TCERG1L: variants seen among roughly 807,000 people sequenced by gnomAD.
TCERG1L encodes the protein transcription elongation regulator 1 like, also known as transcription elongation regulator 1-like protein.
Under a neutral mutation model 56.3 loss-of-function variants are expected in TCERG1L, and 37 were observed. That is an observed-to-expected ratio of 0.66 (90% CI 0.51 to 0.87). TCERG1L has a LOEUF of 0.87. Ranked by LOEUF, TCERG1L falls within the 40% of genes least tolerant of loss-of-function variation. TCERG1L has a pLI of 0.00. For synonymous variants in TCERG1L, 324 were observed against 326.3 expected, an observed-to-expected ratio of 0.99 and a Z score of 0.08; for missense variants, 799 against 774.2, an observed-to-expected ratio of 1.03 and a Z score of -0.38.
chr10:131,209,948 G>A lies in TCERG1L; in HGVS notation c.857-43063C>T, dbSNP rs548569423. Among the ~76,000 whole-genome samples, 5 of 152,294 alleles carry A rather than the reference G, an allele frequency of 3.3e-5. No homozygotes were observed. In the South Asian group the frequency reaches 8.3e-4, roughly 25 times the overall value. ...CAAATATATTTTACACCTAGAAATA[G>A]AGGCTTCACTGATTAGGCTGCATTT... On this transcript the variant is annotated intron_variant, in intron 4 of 11. Coordinates refer to ENST00000368642, the MANE Select transcript of TCERG1L (RefSeq NM_174937.4).
chr10:131,101,171 C>T (rs993589522), intron 10 of TCERG1L, among the ~76,000 whole-genome samples: 1 of 152,240 alleles, frequency 6.6e-6, no homozygotes, highest in East Asian at 1.9e-4. Context: ...CTGTCTCTGA[C>T]GATGGCCTGA....
rs762661323 is a variant in TCERG1L, at chr10:131,093,166, C to T, written c.1757G>A (p.Arg586Lys). The T allele has an allele frequency of 6.2e-7, 1 of 1,612,456 alleles. No individual in the cohort carries two copies. The highest frequency in any genetic ancestry group is 2.2e-5 in the East Asian group (1 of 44,852). The change falls in exon 12 of 12, where the codon AGA (arginine) becomes AAA (lysine). Residue 586 changes from arginine to lysine, a missense_variant. Physicochemically the swap from Arg to Lys is conservative, Grantham distance 26 (BLOSUM62 2). Coordinates refer to ENST00000368642, the MANE Select transcript of TCERG1L (RefSeq NM_174937.4). ...TTATTGCATTTTTTCACAAACTCAT[C>T]TCATTTTCCGCAGCCTTAGTCTGTT... ...KENRLRLRKM[R>K]
rs1483231383 is a variant in TCERG1L, at chr10:131,236,226, A to G, written c.856+24033T>C. On this transcript the variant is annotated intron_variant, in intron 4 of 11. Transcript: ENST00000368642. Reference sequence around the variant, plus strand: ...CTCCAGTCCTATATAAAAGGGGATCATATGCTCCAACCTGTGATCTATGAT... The same window carrying G: ...CTCCAGTCCTATATAAAAGGGGATCGTATGCTCCAACCTGTGATCTATGAT... 2.0e-5 allele frequency among the ~76,000 whole-genome samples: 3 copies of G among 152,246 alleles called. No homozygotes were observed. The East Asian group carries it at 5.8e-4, about 29-fold the overall frequency.
intron 9 of TCERG1L, 72 bp downstream of exon 9, chr10:131,116,727 A>G: frequency 6.5e-7 from 1 of 1,533,388 alleles, no homozygotes; most frequent in Non-Finnish European, 8.7e-7. Context: ...ACCCTCAGGC[A>G]GGGACGGCCA....
chr10:131,234,532 T>G (rs1373243866), intron 4 of TCERG1L, among the ~76,000 whole-genome samples: 1 of 152,120 alleles, frequency 6.6e-6, no homozygotes, highest in Admixed American at 6.5e-5. Context: ...CAAGGGGTCA[T>G]GAGAGCTGAC....
chr10:131,142,357 G>A (rs1845748128), intron 7 of TCERG1L, among the ~76,000 whole-genome samples: 2 of 152,192 alleles, frequency 1.3e-5, no homozygotes, highest in African/African-American at 2.4e-5. Flanking sequence ...CTGGGCCCCT[G>A]GTGAGATAGA....
chr10:131,134,706 A>G (rs1467608598), intron 7 of TCERG1L, among the ~76,000 whole-genome samples: 1 of 152,170 alleles, frequency 6.6e-6, no homozygotes, highest in Non-Finnish European at 1.5e-5. Flanking sequence ...TGGGCCTTCC[A>G]GAGGGGCTGG....
chr10:131,280,055 T>C (rs112199896), intron 3 of TCERG1L, among the ~76,000 whole-genome samples: 5,852 of 152,294 alleles, frequency 0.038, 146 homozygotes, highest in African/African-American at 0.06. Flanking sequence ...TGAGGATGCA[T>C]GGCTGCGACA....
At chr10:131,284,382 A>T (rs1304457156) in intron 3 of TCERG1L, among the ~76,000 whole-genome samples, 2 of 152,134 alleles carry the variant, frequency 1.3e-5, no homozygotes, top group African/African-American at 4.8e-5. Flanking sequence ...ATAGTACATT[A>T]AAAAATTTAC....
At chr10:131,115,498 C>G (rs1406677128) in intron 9 of TCERG1L, among the ~76,000 whole-genome samples, 1 of 152,140 alleles carries the variant, frequency 6.6e-6, no homozygotes, top group Admixed American at 6.5e-5. Flanking sequence ...CACATCGCGC[C>G]AGGGCCGGAT....
intron 4 of TCERG1L, among the ~76,000 whole-genome samples, chr10:131,242,940 T>A (rs899082155): frequency 1.3e-5 from 2 of 152,110 alleles, no homozygotes; most frequent in Admixed American, 6.5e-5. Context: ...AAGTTAGGAC[T>A]CAGAAAGTTG....
intron 4 of TCERG1L, among the ~76,000 whole-genome samples, chr10:131,192,587 T>C (rs1198387093): frequency 6.9e-6 from 1 of 144,350 alleles, no homozygotes; most frequent in Non-Finnish European, 1.5e-5. Flanking sequence ...AACAGCACAA[T>C]TCACAACTGC....
At chr10:131,147,460 C>T (rs998826192) in intron 6 of TCERG1L, among the ~76,000 whole-genome samples, 5 of 152,220 alleles carry the variant, frequency 3.3e-5, no homozygotes, top group Admixed American at 6.5e-5. Flanking sequence ...GCTGTCCCCA[C>T]GAGCAAGCGC....
chr10:131,197,849 A>G (rs558262566), intron 4 of TCERG1L, among the ~76,000 whole-genome samples: 4 of 152,384 alleles, frequency 2.6e-5, no homozygotes, highest in African/African-American at 7.2e-5. Flanking sequence ...AACTGCAAAC[A>G]TCACATAATC....
intron 3 of TCERG1L, among the ~76,000 whole-genome samples, chr10:131,305,307 G>A (rs1846808990): frequency 6.6e-6 from 1 of 152,096 alleles, no homozygotes; most frequent in Non-Finnish European, 1.5e-5. Context: ...AATGAGTGCA[G>A]TGTATATAAA....
chr10:131,128,822 C>T (rs987039320), intron 8 of TCERG1L, among the ~76,000 whole-genome samples: 1 of 152,142 alleles, frequency 6.6e-6, no homozygotes, highest in Non-Finnish European at 1.5e-5. Context: ...AAAAGACAGA[C>T]GAGCCGACAT....
chr10:131,187,308 AG>A (rs532191959), intron 4 of TCERG1L, among the ~76,000 whole-genome samples: 1 of 152,234 alleles, frequency 6.6e-6, no homozygotes, highest in Non-Finnish European at 1.5e-5. Flanking sequence ...TATTCGATAG[AG>A]CTGTGCAACC....
chr10:131,275,197 G>T (rs1256560985), intron 3 of TCERG1L, among the ~76,000 whole-genome samples: 1 of 152,176 alleles, frequency 6.6e-6, no homozygotes, highest in African/African-American at 2.4e-5. Flanking sequence ...TGTCCACGGA[G>T]GACCCTGATG....
chr10:131,291,361 C>T (rs1322177278), intron 3 of TCERG1L, among the ~76,000 whole-genome samples: 1 of 132,200 alleles, frequency 7.6e-6, no homozygotes, highest in Non-Finnish European at 1.6e-5. Flanking sequence ...TAGATAGATA[C>T]CTTTAATAAT....
Sources: gnomAD v4.1 joint callset for allele counts (sites outside exome capture counted in the v4.1 genomes callset) on GRCh38, gnomAD v4.1.1 for gene constraint, MANE v1.5 for transcripts, NCBI Gene and HGNC (gene_info 2026-07-23, HGNC 2026-07-21) for gene names.